Variants in RNF212B observed in about 807,000 individuals in gnomAD.
RNF212B encodes ring finger protein 212B.
Under a neutral mutation model 55.5 loss-of-function variants are expected in RNF212B, and 52 were observed. The ratio of observed to expected loss-of-function variants is 0.94; its 90% confidence interval spans 0.75 to 1.18. RNF212B has a LOEUF of 1.18. Among genes scored for constraint, RNF212B ranks in the 50% most tolerant of loss-of-function variants. The pLI, the probability that RNF212B is intolerant of heterozygous loss-of-function variation, is 0.00. For synonymous variants in RNF212B, 99 were observed against 121.4 expected (o/e 0.82, Z 1.21); for missense variants, 289 against 350.4 (o/e 0.82, Z 1.40).
At chr14:23,206,745 T>C (rs1459284916) in intron 2 of RNF212B, among the ~76,000 whole-genome samples, 2 of 152,162 alleles carry the variant, frequency 1.3e-5, no homozygotes, top group African/African-American at 4.8e-5. Context: ...GACACTTTTA[T>C]TTTTCTTTGA....
chr14:23,238,851 C>T lies in RNF212B; in HGVS notation c.-2+796C>T, dbSNP rs1883345933. On this transcript the variant is annotated intron_variant, in intron 1 of 14. Coordinates refer to ENST00000430154, the MANE Select transcript of RNF212B (RefSeq NM_001282322.3). ...ACAAAGTATATGAAATTGGTATTGG[C>T]AGAAAATACAGGCTATATGATTACC... Among the ~76,000 whole-genome samples the T allele has an allele frequency of 3.3e-5, 5 of 151,742 alleles. No homozygotes were observed. The South Asian group carries it at 1.0e-3, about 32-fold the overall frequency.
chr14:23,229,220 T>TTTATA (rs1183907201), intron 2 of RNF212B, among the ~76,000 whole-genome samples: 1 of 65,036 alleles, frequency 1.5e-5, no homozygotes, highest in Non-Finnish European at 3.0e-5. Flanking sequence ...GAATAATATT[T>TTTATA]TATATATATA....
chr14:23,238,125 A>G (rs1883262203), intron 1 of RNF212B, among the ~76,000 whole-genome samples, 70 bp downstream of exon 1: 2 of 152,168 alleles, frequency 1.3e-5, no homozygotes, highest in Admixed American at 1.3e-4. Flanking sequence ...TCTGGAAAGC[A>G]GGGGAATTTT....
chr14:23,226,840 T>G (rs1882080593), intron 2 of RNF212B, among the ~76,000 whole-genome samples: 1 of 127,240 alleles, frequency 7.9e-6, no homozygotes. Flanking sequence ...AGAGAGGAGG[T>G]CTATGTTGCT....
At chr14:23,190,016 C>G (rs976803564) in intron 1 of RNF212B, among the ~76,000 whole-genome samples, 2 of 152,050 alleles carry the variant, frequency 1.3e-5, no homozygotes, top group African/African-American at 4.8e-5. Context: ...GTGGTCCAAT[C>G]TAGCAATCAT....
intron 11 of RNF212B, among the ~76,000 whole-genome samples, chr14:23,267,622 T>C (rs1885798838): frequency 6.6e-6 from 1 of 152,044 alleles, no homozygotes; most frequent in Non-Finnish European, 1.5e-5. Context: ...AGAGACAAGG[T>C]TTCACCATGT....
In RNF212B at chr14:23,264,347, A is replaced by G. The variant is rs1885522432; in HGVS notation, c.585+113A>G. ...GTTTTGGCATAAATTATCTGATGTC[A>G]TACTGGACCCTATTTTCTTTTGGCA... On this transcript the variant is annotated intron_variant, in intron 10 of 14. Coordinates refer to ENST00000430154, the MANE Select transcript of RNF212B (RefSeq NM_001282322.3). 1.5e-5 allele frequency: 13 copies of G among 885,636 alleles called. No homozygotes were observed. In the Admixed American group the frequency reaches 2.8e-4, roughly 19 times the overall value. 54.9% of individuals were successfully genotyped at this position (885,636 alleles called of 1,614,324 possible). A position where few individuals can be genotyped will look rare whatever the true frequency, so the allele number is the denominator to read the frequency against.
At chr14:23,186,897 C>T (rs1877651683) in intron 1 of RNF212B, among the ~76,000 whole-genome samples, 1 of 152,212 alleles carries the variant, frequency 6.6e-6, no homozygotes, top group Non-Finnish European at 1.5e-5. Context: ...GCTATAGCTA[C>T]TGGTCAAAGC....
rs1042934884 is a variant in RNF212B at position 23,258,479 on chromosome 14, C to G, written c.229-70C>G. 6 of 674,844 alleles carry G rather than the reference C, an allele frequency of 8.9e-6. No homozygotes were observed. The South Asian group carries it at 1.3e-4, about 14-fold the overall frequency. The allele number at this position is 674,844 out of a possible 1,614,324, so 41.8% of individuals were successfully genotyped here. ...TAATAAAGTGTGATTTGATGGCTTCCCTTTCTTGCCAGAAGTGAAGGGAAA... is the reference window on the plus strand; with the variant it reads ...TAATAAAGTGTGATTTGATGGCTTCGCTTTCTTGCCAGAAGTGAAGGGAAA... On this transcript the variant is annotated intron_variant, in intron 4 of 14. Coordinates refer to ENST00000430154, the MANE Select transcript of RNF212B (RefSeq NM_001282322.3).
intron 2 of RNF212B, among the ~76,000 whole-genome samples, chr14:23,231,850 C>T (rs922862152): frequency 6.6e-5 from 10 of 152,190 alleles, no homozygotes; most frequent in Admixed American, 4.6e-4. Context: ...CTGTGTTGGC[C>T]GGGCTGGTCT....
intron 2 of RNF212B, among the ~76,000 whole-genome samples, chr14:23,213,440 T>A (rs756088930): frequency 1.3e-5 from 2 of 152,174 alleles, no homozygotes; most frequent in Non-Finnish European, 2.9e-5. Flanking sequence ...CCCAATTTGA[T>A]CTATAGATTC....
chr14:23,194,321 T>C (rs193239456), intron 2 of RNF212B, among the ~76,000 whole-genome samples: 34 of 152,090 alleles, frequency 2.2e-4, no homozygotes, highest in African/African-American at 8.0e-4. Flanking sequence ...GATATGACAA[T>C]CTTGAACTTC....
chr14:23,207,892 G>A (rs1048303508), intron 2 of RNF212B, among the ~76,000 whole-genome samples: 7 of 152,112 alleles, frequency 4.6e-5, no homozygotes, highest in African/African-American at 1.7e-4. Flanking sequence ...TGGAAAGGTG[G>A]GACAACTTGA....
intron 2 of RNF212B, among the ~76,000 whole-genome samples, chr14:23,213,860 A>C (rs1268188603): frequency 1.3e-5 from 2 of 152,232 alleles, no homozygotes; most frequent in Non-Finnish European, 2.9e-5. Context: ...TACAAGAACC[A>C]GGAAAATCTC....
chr14:23,196,808 G>T (rs1486374084), intron 2 of RNF212B, among the ~76,000 whole-genome samples: 4 of 152,116 alleles, frequency 2.6e-5, no homozygotes, highest in Non-Finnish European at 5.9e-5. Context: ...CCTTAGCCTA[G>T]TTCACTGCTA....
At chr14:23,249,409 G>C (rs1283687593) in intron 4 of RNF212B, among the ~76,000 whole-genome samples, 1 of 152,162 alleles carries the variant, frequency 6.6e-6, no homozygotes, top group Non-Finnish European at 1.5e-5. Flanking sequence ...AGCTGGGCAT[G>C]GTGGCACACA....
At chr14:23,237,798 C>A (rs1277229884), upstream of RNF212B, among the ~76,000 whole-genome samples, 2 of 152,230 alleles carry the variant, frequency 1.3e-5, no homozygotes, top group African/African-American at 4.8e-5. Flanking sequence ...TCTCCCGCCA[C>A]CGCGAGCCGC....
rs1883487735 is a variant in RNF212B, at chr14:23,240,435, T to C, written c.90T>C (p.Cys30=). ...TSCGHIFCKK[C]VTLEKCAVCG... is the part of the protein sequence containing the mutation. ...GTGGCCATATTTTCTGTAAAAAGTG[T>C]GTGACTCTGGGTGAGTGACTCAACT... Residue 30 remains cysteine (C), a synonymous_variant, in exon 2 of 15, where the codon TGT becomes TGC. Coordinates refer to ENST00000430154, the MANE Select transcript of RNF212B (RefSeq NM_001282322.3). 1 of 1,548,530 alleles carries C rather than the reference T, an allele frequency of 6.5e-7. No homozygotes were observed. The highest frequency in any genetic ancestry group is 1.4e-5 in the African/African-American group (1 of 73,014).
At chr14:23,235,628 G>A (rs1202132649), upstream of RNF212B, among the ~76,000 whole-genome samples, 2 of 152,194 alleles carry the variant, frequency 1.3e-5, no homozygotes, top group Non-Finnish European at 2.9e-5. Context: ...CTGACAGCTT[G>A]ACAGCTTCCC....
Sources: gnomAD v4.1 joint callset for allele counts (sites outside exome capture counted in the v4.1 genomes callset) on GRCh38, gnomAD v4.1.1 for gene constraint, MANE v1.5 for transcripts, NCBI Gene and HGNC (gene_info 2026-07-23, HGNC 2026-07-21) for gene names.